The following SNAPC1 variants were observed in gnomAD, a reference collection of about 807,000 sequenced individuals.
SNAPC1 encodes the protein snRNA-activating protein complex subunit 1.
In SNAPC1, 42 loss-of-function variants were observed where a neutral mutation model predicts 50.1. The ratio of observed to expected loss-of-function variants is 0.84; its 90% CI spans 0.65 to 1.08. The LOEUF (loss-of-function observed/expected upper bound fraction) is 1.08, where lower values mean the gene tolerates loss of function less well. Among genes scored for constraint, SNAPC1 ranks in the 50% least tolerant of loss-of-function variants. The pLI is 0.00. For synonymous variants in SNAPC1, 164 were observed against 144.2 expected (o/e 1.14, Z -0.98); for missense variants, 477 against 427.3 (o/e 1.12, Z -1.02).
At position 61,767,336 on chromosome 14, in the gene SNAPC1, C is replaced by A; in HGVS notation, c.413C>A (p.Thr138Lys). Residue 138 changes from threonine to lysine, a missense_variant, in exon 3 of 10, where the codon ACA becomes AAA. Physicochemically the swap from Thr to Lys is moderately conservative, Grantham distance 78 (BLOSUM62 -1). Transcript: ENST00000216294. ...KLRLDRAFHF[T>K]AMPKLLSYRM... ...CGACTAGACAGAGCATTTCACTTTACAGCAATGCCCAAATTGGTATGTTGC... is the reference window on the plus strand; with the variant it reads ...CGACTAGACAGAGCATTTCACTTTAAAGCAATGCCCAAATTGGTATGTTGC... The A allele has an allele frequency of 6.8e-7, 1 of 1,468,892 alleles. No homozygotes were observed. Among genetic ancestry groups the A allele is most frequent in the East Asian group, 2.5e-5 (1 of 39,342 alleles). 91.0% of individuals were successfully genotyped at this position (1,468,892 alleles called of 1,614,324 possible).
intron 1 of SNAPC1, among the ~76,000 whole-genome samples, chr14:61,764,221 G>A (rs1448794386): frequency 6.6e-6 from 1 of 152,140 alleles, no homozygotes; most frequent in Non-Finnish European, 1.5e-5. Flanking sequence ...GACAGTGACT[G>A]GATGAATCTA....
chr14:61,789,121 C>T (rs1220947942), intron 8 of SNAPC1, among the ~76,000 whole-genome samples: 1 of 151,400 alleles, frequency 6.6e-6, no homozygotes, highest in Non-Finnish European at 1.5e-5. Context: ...GTCCCAGCTA[C>T]TTGGGAGTCT....
chr14:61,775,685 A>AT (rs1211804570), intron 4 of SNAPC1, among the ~76,000 whole-genome samples: 1 of 152,246 alleles, frequency 6.6e-6, no homozygotes, highest in Non-Finnish European at 1.5e-5. Context: ...CCAGCAGAGC[A>AT]TAAAGGACTA....
At position 61,768,618 on chromosome 14, in the gene SNAPC1, A is replaced by G. The variant is rs2044965859; in HGVS notation, c.430-18A>G. On this transcript the variant is annotated intron_variant, in intron 3 of 9. Coordinates refer to ENST00000216294, the MANE Select transcript of SNAPC1 (RefSeq NM_003082.4). ...GTTTAAAAGATACTCATTTAAAAAG[A>G]CACGTATTATCACATAGCTGTCATA... 2 of 1,282,620 alleles carry G rather than the reference A, an allele frequency of 1.6e-6. No individual in the cohort carries two copies. Among genetic ancestry groups the G allele is most frequent in the Non-Finnish European group, 2.3e-6 (2 of 888,140 alleles). 79.5% of individuals were successfully genotyped at this position (1,282,620 alleles called of 1,614,324 possible). A position where few individuals can be genotyped will look rare whatever the true frequency, so the allele number is the denominator to read the frequency against.
At chr14:61,770,165 G>C (rs973578393) in intron 4 of SNAPC1, among the ~76,000 whole-genome samples, 4 of 150,766 alleles carry the variant, frequency 2.7e-5, no homozygotes, top group Non-Finnish European at 5.9e-5. Context: ...GTCTTTTCTT[G>C]TATTACAATT....
chr14:61,792,715 A>G (rs996291418), intron 8 of SNAPC1, 92 bp from the exon 9 acceptor site: 3 of 637,830 alleles, frequency 4.7e-6, no homozygotes, highest in African/African-American at 3.8e-5. Context: ...TCTAATTTTT[A>G]TGCTGTAATA....
At chr14:61,794,918 T>G (rs2045178035) in intron 9 of SNAPC1, 31 bp from the exon 10 acceptor site, 1 of 1,515,682 alleles carries the variant, frequency 6.6e-7, no homozygotes, top group African/African-American at 1.4e-5. Flanking sequence ...TGTTTTTAGA[T>G]CTGACTGACT....
At chr14:61,763,863 C>T (rs936723155) in intron 1 of SNAPC1, among the ~76,000 whole-genome samples, 5 of 152,140 alleles carry the variant, frequency 3.3e-5, no homozygotes, top group Non-Finnish European at 7.3e-5. Flanking sequence ...TGATAAACCT[C>T]ATAGTAGTTG....
rs1566585459 is a variant in SNAPC1, at chr14:61,762,439, A to AGGCGTGCGGGCTTCGGG, written c.-21_-5dup. On this transcript the variant is annotated 5_prime_UTR_variant, in exon 1 of 10. Coordinates refer to ENST00000216294, the MANE Select transcript of SNAPC1 (RefSeq NM_003082.4). ...TCCGTTAGAGGCGTGCGGGCTTCGG[A>AGGCGTGCGGGCTTCGGG]GGCGTGCGGGCTTCGGGTGCCATGG... The AGGCGTGCGGGCTTCGGG allele has an allele frequency of 4.2e-5, 68 of 1,609,726 alleles. No homozygotes were observed. The highest frequency in any genetic ancestry group is 5.0e-5 in the Admixed American group (3 of 59,962).
At chr14:61,765,468 G>C (rs1027737046) in intron 1 of SNAPC1, among the ~76,000 whole-genome samples, 2 of 152,166 alleles carry the variant, frequency 1.3e-5, no homozygotes, top group African/African-American at 4.8e-5. Flanking sequence ...AAGTACGTTG[G>C]TTCGTTCTGG....
chr14:61,788,967 T>C (rs960518529), intron 8 of SNAPC1, among the ~76,000 whole-genome samples: 4 of 152,228 alleles, frequency 2.6e-5, no homozygotes, highest in Non-Finnish European at 4.4e-5. Flanking sequence ...GCACGGTGGC[T>C]GACGCCTGTA....
chr14:61,767,488 GA>G (rs1304411324), intron 3 of SNAPC1, 136 bp downstream of exon 3: 2 of 484,750 alleles, frequency 4.1e-6, no homozygotes, highest in African/African-American at 4.1e-5. Flanking sequence ...TTTTTAGACA[GA>G]GTCTTGCTCT....
chr14:61,766,077 G>T (rs1428820000), intron 1 of SNAPC1, among the ~76,000 whole-genome samples: 1 of 152,160 alleles, frequency 6.6e-6, no homozygotes, highest in Admixed American at 6.5e-5. Context: ...TATCTTAGAA[G>T]CAAAATTTAT....
At chr14:61,775,085 C>T (rs1386383509) in intron 4 of SNAPC1, among the ~76,000 whole-genome samples, 1 of 152,126 alleles carries the variant, frequency 6.6e-6, no homozygotes, top group Admixed American at 6.5e-5. Flanking sequence ...CAGTAGTTCT[C>T]TCTTGATCTT....
intron 8 of SNAPC1, among the ~76,000 whole-genome samples, chr14:61,788,151 T>A (rs2045128017): frequency 6.6e-6 from 1 of 152,314 alleles, no homozygotes; most frequent in Non-Finnish European, 1.5e-5. Context: ...GATTTGTTAA[T>A]GAATTTTCTC....
At position 61,768,549 on chromosome 14, in the gene SNAPC1, C is replaced by G. The variant is rs971227078; in HGVS notation, c.430-87C>G. The G allele has an allele frequency of 1.8e-5, 13 of 712,222 alleles. No homozygotes were observed. The Admixed American group carries it at 3.4e-4, about 18-fold the overall frequency. 44.1% of individuals were successfully genotyped at this position (712,222 alleles called of 1,614,324 possible). A position where few individuals can be genotyped will look rare whatever the true frequency, so the allele number is the denominator to read the frequency against. On this transcript the variant is annotated intron_variant, in intron 3 of 9. Transcript: ENST00000216294. ...TGTTTTATCTGTGTTTACTTATAGACAATTTTTAGTGCTGGCTTATATTTC... is the reference window on the plus strand; with the variant it reads ...TGTTTTATCTGTGTTTACTTATAGAGAATTTTTAGTGCTGGCTTATATTTC...
At chr14:61,789,784 G>C (rs891159656) in intron 8 of SNAPC1, among the ~76,000 whole-genome samples, 2 of 152,168 alleles carry the variant, frequency 1.3e-5, no homozygotes, top group African/African-American at 4.8e-5. Flanking sequence ...CACTTCAATT[G>C]GTAGGCAGAG....
chr14:61,788,155 T>C (rs2045128060), intron 8 of SNAPC1, among the ~76,000 whole-genome samples: 1 of 152,174 alleles, frequency 6.6e-6, no homozygotes, highest in Admixed American at 6.6e-5. Flanking sequence ...TGTTAATGAA[T>C]TTTCTCAGGG....
chr14:61,773,960 C>T (rs962758920), intron 4 of SNAPC1, among the ~76,000 whole-genome samples: 2 of 152,074 alleles, frequency 1.3e-5, no homozygotes, highest in Non-Finnish European at 2.9e-5. Context: ...CCGCCTACCT[C>T]GGCCTTCCAA....
Sources: gnomAD v4.1 joint callset for allele counts (sites outside exome capture counted in the v4.1 genomes callset) on GRCh38, gnomAD v4.1.1 for gene constraint, MANE v1.5 for transcripts, NCBI Gene and HGNC (gene_info 2026-07-23, HGNC 2026-07-21) for gene names.